Variants in NSG1 observed in about 807,000 individuals in gnomAD.
NSG1 encodes the protein neuronal vesicle trafficking associated 1.
Under a neutral mutation model 19.3 loss-of-function variants are expected in NSG1, and 9 were observed. That is an observed-to-expected ratio of 0.47 (90% confidence interval 0.28 to 0.81). The LOEUF is 0.81. NSG1 is among the 40% of genes least tolerant of loss of function. The pLI, the probability that NSG1 is intolerant of heterozygous loss-of-function variation, is 0.11. For synonymous variants in NSG1, 104 were observed against 107.0 expected (o/e 0.97, Z 0.17); for missense variants, 236 against 242.4 (o/e 0.97, Z 0.18).
At chr4:4,391,083 G>A (rs1722964845) in intron 2 of NSG1, among the ~76,000 whole-genome samples, 1 of 152,172 alleles carries the variant, frequency 6.6e-6, no homozygotes, top group South Asian at 2.1e-4. Flanking sequence ...GCACAGCAAG[G>A]CCAGTGAAAA....
At chr4:4,395,095 G>C (rs1301574320) in intron 3 of NSG1, among the ~76,000 whole-genome samples, 3 of 152,196 alleles carry the variant, frequency 2.0e-5, no homozygotes, top group Non-Finnish European at 2.9e-5. Context: ...TGCATTCTAA[G>C]GGCATCTCTT....
At position 4,418,652 on chromosome 4, in the gene NSG1, TCA is replaced by T. The variant is rs767079204; in HGVS notation, c.*1218_*1219del. The stretch of plus-strand genomic sequence containing the variant: ...GTTTCTGGTGTACGTGTCAAAAGTT[TCA>T]GTTTTTTAGATCAGAAATAAACGAC... On this transcript the variant is annotated 3_prime_UTR_variant, in exon 5 of 5. Transcript: ENST00000621129. 3 of 152,644 alleles carry T rather than the reference TCA, an allele frequency of 2.0e-5. No individual in the cohort carries two copies. Among genetic ancestry groups the T allele is most frequent in the South Asian group, 2.1e-4 (1 of 4,834 alleles). The allele number at this position is 152,644 out of a possible 1,614,324, so 9.5% of individuals were successfully genotyped here.
At chr4:4,410,153 TG>T (rs1724095885) in intron 4 of NSG1, among the ~76,000 whole-genome samples, 2 of 152,138 alleles carry the variant, frequency 1.3e-5, no homozygotes, top group South Asian at 4.1e-4. Context: ...GGAGCAGGGC[TG>T]GGGGGCACAC....
chr4:4,391,041 C>T (rs1722962230), intron 2 of NSG1, among the ~76,000 whole-genome samples: 1 of 151,300 alleles, frequency 6.6e-6, no homozygotes, highest in Non-Finnish European at 1.5e-5. Context: ...GTGGACAGTA[C>T]CCTCAGACCT....
chr4:4,387,512 C>G (rs956306185), intron 1 of NSG1, 92 bp from the exon 2 acceptor site: 9 of 842,896 alleles, frequency 1.1e-5, no homozygotes, highest in Non-Finnish European at 1.5e-5. Context: ...AGCTCGCGGA[C>G]GCCGGGACGC....
At chr4:4,403,938 T>C (rs904003341) in intron 3 of NSG1, among the ~76,000 whole-genome samples, 12 of 152,148 alleles carry the variant, frequency 7.9e-5, no homozygotes, top group Non-Finnish European at 1.3e-4. Context: ...GTGGAATCCT[T>C]TGTTTATCCC....
chr4:4,411,776 A>AACACAACACAACACAACACAAC (rs544195285), intron 4 of NSG1, among the ~76,000 whole-genome samples: 4,406 of 132,584 alleles, frequency 0.033, 96 homozygotes, highest in Non-Finnish European at 0.049. Flanking sequence ...AACAAAACAA[A>AACACAACACAACACAACACAAC]ACAAAACAAA....
chr4:4,388,907 C>T (rs898026606), intron 2 of NSG1, among the ~76,000 whole-genome samples: 9 of 152,246 alleles, frequency 5.9e-5, no homozygotes, highest in Admixed American at 3.9e-4. Context: ...GCCCCCCAGG[C>T]CACGGTGGTG....
intron 3 of NSG1, among the ~76,000 whole-genome samples, chr4:4,406,001 A>G (rs754504004): frequency 1.3e-5 from 2 of 152,176 alleles, no homozygotes; most frequent in African/African-American, 2.4e-5. Context: ...AACAGGTTTA[A>G]TGATGCCCCA....
At chr4:4,388,051 C>CCCGCAGCTGCCCTGCTCCTCCCTTGCT (rs1313049839) in intron 2 of NSG1, among the ~76,000 whole-genome samples, 8 of 152,244 alleles carry the variant, frequency 5.3e-5, no homozygotes, top group Non-Finnish European at 1.0e-4. Flanking sequence ...GGGCCCTGGC[C>CCCGCAGCTGCCCTGCTCCTCCCTTGCT]CCGCAGCTGC....
chr4:4,396,915 C>T (rs1425025909), intron 3 of NSG1, among the ~76,000 whole-genome samples: 1 of 152,132 alleles, frequency 6.6e-6, no homozygotes, highest in African/African-American at 2.4e-5. Context: ...GTGGACGCCC[C>T]CTCACCTTTA....
intron 3 of NSG1, among the ~76,000 whole-genome samples, chr4:4,407,857 C>T (rs1723950039): frequency 6.6e-6 from 1 of 152,120 alleles, no homozygotes; most frequent in African/African-American, 2.4e-5. Context: ...TGCAGAGCTG[C>T]AGGCAGAATC....
intron 3 of NSG1, among the ~76,000 whole-genome samples, chr4:4,407,217 G>A (rs924830841): frequency 1.3e-5 from 2 of 152,244 alleles, no homozygotes; most frequent in African/African-American, 4.8e-5. Flanking sequence ...GGGGTTGGGG[G>A]AGTGGAGGCG....
intron 3 of NSG1, among the ~76,000 whole-genome samples, chr4:4,408,193 C>T (rs1179754324): frequency 6.6e-6 from 1 of 152,128 alleles, no homozygotes; most frequent in African/African-American, 2.4e-5. Context: ...TTCGGGACTG[C>T]AGCCTTAGGA....
At chr4:4,394,840 C>A (rs538289409) in intron 3 of NSG1, among the ~76,000 whole-genome samples, 123 of 152,326 alleles carry the variant, frequency 8.1e-4, no homozygotes, top group Admixed American at 1.3e-3. Flanking sequence ...TGAGTAAGTT[C>A]AGCTGGCAGC....
At chr4:4,412,380 C>T (rs941496584) in intron 4 of NSG1, among the ~76,000 whole-genome samples, 7 of 151,714 alleles carry the variant, frequency 4.6e-5, no homozygotes, top group South Asian at 2.1e-4. Context: ...TTAAAAGGCG[C>T]TCCAGGTGAT....
At chr4:4,411,113 C>T (rs1170173205) in intron 4 of NSG1, among the ~76,000 whole-genome samples, 2 of 152,126 alleles carry the variant, frequency 1.3e-5, no homozygotes, top group Non-Finnish European at 2.9e-5. Context: ...ACCTCGGCCT[C>T]CCAAAGTGCT....
chr4:4,412,976 T>G (rs936676158), intron 4 of NSG1, among the ~76,000 whole-genome samples: 3 of 152,122 alleles, frequency 2.0e-5, no homozygotes, highest in Admixed American at 6.5e-5. Context: ...AGGCTGGAAT[T>G]CACGTTGTCC....
At chr4:4,412,117 C>G (rs1330628651) in intron 4 of NSG1, among the ~76,000 whole-genome samples, 1 of 152,186 alleles carries the variant, frequency 6.6e-6, no homozygotes, top group Non-Finnish European at 1.5e-5. Context: ...CCGTGACAGT[C>G]TTATGGGGCC....
Sources: gnomAD v4.1 joint callset for allele counts (sites outside exome capture counted in the v4.1 genomes callset) on GRCh38, gnomAD v4.1.1 for gene constraint, MANE v1.5 for transcripts, NCBI Gene and HGNC (gene_info 2026-07-23, HGNC 2026-07-21) for gene names.